Variants in RBM27 observed in about 807,000 individuals in gnomAD.
The protein encoded by RBM27 is RNA-binding protein 27.
In RBM27, 22 loss-of-function variants were observed where a neutral mutation model predicts 135.3. The ratio of observed to expected loss-of-function variants is 0.16; its 90% CI spans 0.12 to 0.23. The LOEUF is 0.23. RBM27 is among the 10% of genes least tolerant of loss of function. RBM27 has a pLI of 1.00. For synonymous variants in RBM27, 481 were observed against 442.4 expected (o/e 1.09, Z -1.10); for missense variants, 1,009 against 1,281.0 (o/e 0.79, Z 3.24).
intron 1 of RBM27, among the ~76,000 whole-genome samples, chr5:146,205,198 A>G (rs553950378): frequency 1.1e-4 from 16 of 152,334 alleles, no homozygotes; most frequent in African/African-American, 3.4e-4. Flanking sequence ...GGACCCGGCC[A>G]TGTTTGATAA....
chr5:146,269,656 C>A, intron 17 of RBM27, 72 bp downstream of exon 17: 2 of 984,122 alleles, frequency 2.0e-6, no homozygotes, highest in Non-Finnish European at 2.7e-6. Flanking sequence ...CTTGAAAGTA[C>A]AATGGGACCC....
chr5:146,236,663 G>A (rs911586847), intron 7 of RBM27, among the ~76,000 whole-genome samples: 7 of 151,752 alleles, frequency 4.6e-5, no homozygotes, highest in Admixed American at 3.9e-4. Flanking sequence ...TTTCTCTGTT[G>A]CCCAGGTTGG....
At chr5:146,220,741 C>G (rs1045512152) in intron 2 of RBM27, among the ~76,000 whole-genome samples, 1 of 152,014 alleles carries the variant, frequency 6.6e-6, no homozygotes, top group Admixed American at 6.6e-5. Flanking sequence ...ACAACAGCTA[C>G]TTAAAAAATT....
intron 2 of RBM27, among the ~76,000 whole-genome samples, chr5:146,220,205 C>T (rs1248002942): frequency 1.3e-5 from 2 of 152,096 alleles, no homozygotes; most frequent in Non-Finnish European, 1.5e-5. Context: ...GGGCCAGGCG[C>T]GGTGGCTTAC....
At chr5:146,225,201 A>T (rs1432232608) in intron 3 of RBM27, among the ~76,000 whole-genome samples, 2 of 151,986 alleles carry the variant, frequency 1.3e-5, no homozygotes, top group Admixed American at 6.6e-5. Flanking sequence ...AGCTTAAGCG[A>T]TCCTCCTGAC....
chr5:146,248,350 C>G (rs1452632392), intron 8 of RBM27, among the ~76,000 whole-genome samples: 1 of 151,914 alleles, frequency 6.6e-6, no homozygotes, highest in African/African-American at 2.4e-5. Context: ...CTGCCCTGAC[C>G]TAGAATTAGC....
intron 1 of RBM27, among the ~76,000 whole-genome samples, chr5:146,217,102 G>A (rs894065674): frequency 6.6e-6 from 1 of 152,104 alleles, no homozygotes; most frequent in Non-Finnish European, 1.5e-5. Flanking sequence ...GAGTAGATGG[G>A]ACTACAGGTG....
intron 9 of RBM27, among the ~76,000 whole-genome samples, chr5:146,252,913 C>T (rs1757957148): frequency 6.6e-6 from 1 of 152,090 alleles, no homozygotes; most frequent in South Asian, 2.1e-4. Flanking sequence ...AAGTATGAAG[C>T]CCCCAAAATA....
intron 15 of RBM27, 94 bp downstream of exon 15, chr5:146,267,862 A>G: frequency 1.6e-6 from 2 of 1,252,062 alleles, no homozygotes. Context: ...TCATGTTGGC[A>G]GGGCATAACA....
At chr5:146,228,261 T>A (rs1756761436) in intron 3 of RBM27, among the ~76,000 whole-genome samples, 1 of 151,654 alleles carries the variant, frequency 6.6e-6, no homozygotes, top group African/African-American at 2.4e-5. Flanking sequence ...TGTTTCATAA[T>A]TTATAGAGGG....
intron 8 of RBM27, among the ~76,000 whole-genome samples, chr5:146,250,210 A>T (rs1272166526): frequency 6.6e-6 from 1 of 151,964 alleles, no homozygotes; most frequent in African/African-American, 2.4e-5. Flanking sequence ...GGAGGCCGAG[A>T]CGGGCAGATC....
At chr5:146,283,607 C>T (rs1425210482) in intron 19 of RBM27, among the ~76,000 whole-genome samples, 1 of 152,062 alleles carries the variant, frequency 6.6e-6, no homozygotes, top group African/African-American at 2.4e-5. Flanking sequence ...TGGTATGTCC[C>T]ATGAGTCATA....
At chr5:146,214,837 TAAC>T (rs1756122100) in intron 1 of RBM27, among the ~76,000 whole-genome samples, 1 of 152,228 alleles carries the variant, frequency 6.6e-6, no homozygotes, top group South Asian at 2.1e-4. Context: ...TGTCAGTTAT[TAAC>T]AATCATTTGT....
intron 9 of RBM27, 27 bp from the exon 10 acceptor site, chr5:146,254,916 G>A (rs374526966): frequency 6.6e-7 from 1 of 1,512,760 alleles, no homozygotes; most frequent in Non-Finnish European, 9.0e-7. Context: ...GATTTGTTGT[G>A]TGTTTTGTTG....
intron 19 of RBM27, among the ~76,000 whole-genome samples, chr5:146,282,163 C>A (rs1353370159): frequency 6.6e-6 from 1 of 151,816 alleles, no homozygotes; most frequent in Non-Finnish European, 1.5e-5. Flanking sequence ...GTGCCAGTAC[C>A]CCTGGCTAAT....
At chr5:146,247,452 C>T (rs1017231323) in intron 8 of RBM27, among the ~76,000 whole-genome samples, 5 of 152,106 alleles carry the variant, frequency 3.3e-5, no homozygotes, top group South Asian at 2.1e-4. Flanking sequence ...GTTTATTTGA[C>T]GCTATATCCA....
chr5:146,235,700 G>A (rs897728336), intron 7 of RBM27, among the ~76,000 whole-genome samples: 4 of 150,136 alleles, frequency 2.7e-5, no homozygotes, highest in Non-Finnish European at 5.9e-5. Context: ...TTCTTTTTGA[G>A]ACAAGATCTC....
chr5:146,254,913 T>G, intron 9 of RBM27, 30 bp from the exon 10 acceptor site: 1 of 1,503,484 alleles, frequency 6.7e-7, no homozygotes, highest in Non-Finnish European at 9.0e-7. Context: ...TCTGATTTGT[T>G]GTGTGTTTTG....
chr5:146,270,837 G>A, intron 17 of RBM27, 117 bp from the exon 18 acceptor site: 1 of 601,288 alleles, frequency 1.7e-6, no homozygotes, highest in South Asian at 2.1e-5. Flanking sequence ...CATGTTTATT[G>A]CATCCTCTCA....
Sources: allele counts gnomAD v4.1 joint callset (sites outside exome capture counted in the v4.1 genomes callset), GRCh38; gene constraint gnomAD v4.1.1; transcripts MANE v1.5; gene names NCBI Gene and HGNC (gene_info 2026-07-23, HGNC 2026-07-21).